The following PEBP4 variants were observed in gnomAD, a reference collection of about 807,000 sequenced individuals.
PEBP4 encodes phosphatidylethanolamine binding protein 4, also known as phosphatidylethanolamine-binding protein 4.
A neutral mutation model predicts 23.9 loss-of-function variants in PEBP4; 22 were observed. The observed-to-expected ratio is 0.92, with a 90% confidence interval of 0.66 to 1.31. PEBP4 has a LOEUF of 1.31. Ranked by LOEUF, PEBP4 falls within the 40% of genes most tolerant of loss-of-function variation. The pLI is 0.00. For missense variants in PEBP4, 324 were observed against 281.7 expected (o/e 1.15, Z -1.07); for synonymous variants, 112 against 99.3 (o/e 1.13, Z -0.76).
chr8:22,809,018 C>T (rs758365400), intron 4 of PEBP4, among the ~76,000 whole-genome samples: 28 of 152,156 alleles, frequency 1.8e-4, no homozygotes, highest in Non-Finnish European at 3.5e-4. Context: ...CCTGGCCAGG[C>T]CCTGCCCTAC....
chr8:22,892,839 A>T (rs1217197238), intron 3 of PEBP4, among the ~76,000 whole-genome samples: 1 of 152,208 alleles, frequency 6.6e-6, no homozygotes, highest in Non-Finnish European at 1.5e-5. Context: ...AAGGTCTTAC[A>T]ATCACCCCAA....
At chr8:22,922,935 G>A (rs1041754977) in intron 2 of PEBP4, among the ~76,000 whole-genome samples, 3 of 152,194 alleles carry the variant, frequency 2.0e-5, no homozygotes, top group Non-Finnish European at 4.4e-5. Context: ...ATGAACTAAT[G>A]CTACATAAGG....
intron 3 of PEBP4, among the ~76,000 whole-genome samples, chr8:22,913,403 C>T (rs139596241): frequency 1.4e-4 from 21 of 152,222 alleles, no homozygotes; most frequent in African/African-American, 2.6e-4. Context: ...CTGCAATGTC[C>T]GTGACATCAT....
At chr8:22,887,919 G>A (rs1253159934) in intron 3 of PEBP4, 2 of 152,162 alleles carry the variant, frequency 1.3e-5, no homozygotes, top group African/African-American at 4.8e-5. Context: ...TGAGTGGGAG[G>A]GAGGTTAGCT....
Position 22,796,431 on chromosome 8 carries a change from G to A in PEBP4, c.357+21206C>T, listed in dbSNP as rs1306405995. ...GGTGTGCTCAGTAAATCATCGTTAA[G>A]TTGAGCGGAATTGTCTCTTACTACT... is the stretch of plus-strand genomic sequence containing the variant. On this transcript the variant is annotated intron_variant, in intron 4 of 6. Coordinates refer to ENST00000256404, the MANE Select transcript of PEBP4 (RefSeq NM_144962.3). Among the ~76,000 whole-genome samples, 3 of 152,194 alleles carry A rather than the reference G, an allele frequency of 2.0e-5. No individual in the cohort carries two copies. The East Asian group carries it at 5.8e-4, about 29-fold the overall frequency.
At chr8:22,731,597 AC>A (rs35473527) in intron 4 of PEBP4, among the ~76,000 whole-genome samples, 22,166 of 151,964 alleles carry the variant, frequency 0.15, 1,957 homozygotes, top group South Asian at 0.22. Context: ...TGGGGGTGGC[AC>A]CCATACGCCC....
chr8:22,716,548 G>A (rs1359017204), intron 6 of PEBP4, among the ~76,000 whole-genome samples: 1 of 152,224 alleles, frequency 6.6e-6, no homozygotes, highest in Non-Finnish European at 1.5e-5. Flanking sequence ...ATGATGGCAG[G>A]AATGTTTGGA....
intron 6 of PEBP4, among the ~76,000 whole-genome samples, chr8:22,721,755 A>G (rs988369538): frequency 3.3e-5 from 5 of 151,874 alleles, no homozygotes; most frequent in African/African-American, 1.2e-4. Flanking sequence ...TCCCCTGGAG[A>G]GAAATCTAGA....
At chr8:22,895,057 C>T (rs998360071) in intron 3 of PEBP4, among the ~76,000 whole-genome samples, 2 of 152,092 alleles carry the variant, frequency 1.3e-5, no homozygotes, top group Non-Finnish European at 2.9e-5. Flanking sequence ...AAAGTAGGTG[C>T]CATTTGTTTT....
intron 3 of PEBP4, among the ~76,000 whole-genome samples, chr8:22,876,535 C>T (rs1039766224): frequency 2.6e-5 from 4 of 152,166 alleles, no homozygotes; most frequent in Non-Finnish European, 2.9e-5. Context: ...AAGCAAGAAA[C>T]TCAGGAGAGA....
At chr8:22,796,574 A>T (rs1172492583) in intron 4 of PEBP4, among the ~76,000 whole-genome samples, 1 of 152,222 alleles carries the variant, frequency 6.6e-6, no homozygotes. Context: ...CTCTGCCTGC[A>T]TGCCGCCTAA....
At chr8:22,714,277 C>T (rs1289693054) in intron 6 of PEBP4, among the ~76,000 whole-genome samples, 2 of 152,160 alleles carry the variant, frequency 1.3e-5, no homozygotes, top group Admixed American at 1.3e-4. Flanking sequence ...AAGAAGGGCA[C>T]AGCCTGGGGC....
intron 3 of PEBP4, among the ~76,000 whole-genome samples, chr8:22,911,016 G>C (rs1196620704): frequency 6.6e-6 from 1 of 152,116 alleles, no homozygotes; most frequent in African/African-American, 2.4e-5. Flanking sequence ...GGGAGCTGAG[G>C]GTAGGGGAGG....
At chr8:22,936,045 C>A (rs1201148001) in intron 1 of PEBP4, among the ~76,000 whole-genome samples, 2 of 149,334 alleles carry the variant, frequency 1.3e-5, no homozygotes, top group Non-Finnish European at 3.0e-5. Flanking sequence ...ACAAGATAAC[C>A]CAAAGCTAGC....
chr8:22,917,134 G>C (rs1809094837), intron 3 of PEBP4, among the ~76,000 whole-genome samples: 1 of 151,674 alleles, frequency 6.6e-6, no homozygotes, highest in Non-Finnish European at 1.5e-5. Flanking sequence ...GGGGAGGGGG[G>C]GGTGTTCCCA....
intron 2 of PEBP4, among the ~76,000 whole-genome samples, chr8:22,926,713 A>C (rs943660661): frequency 1.3e-5 from 2 of 152,248 alleles, no homozygotes; most frequent in African/African-American, 4.8e-5. Flanking sequence ...TATGGTTCTA[A>C]AAGTAATGTT....
chr8:22,937,479 G>T (rs1809555557), intron 1 of PEBP4, among the ~76,000 whole-genome samples: 1 of 152,112 alleles, frequency 6.6e-6, no homozygotes, highest in South Asian at 2.1e-4. Context: ...TGGAGTGGAA[G>T]ACTTAATATT....
intron 3 of PEBP4, among the ~76,000 whole-genome samples, chr8:22,866,369 G>T (rs372466579): frequency 6.6e-6 from 1 of 152,292 alleles, no homozygotes; most frequent in East Asian, 1.9e-4. Context: ...CCAGCAAGAC[G>T]CTGAGGACAG....
intron 3 of PEBP4, among the ~76,000 whole-genome samples, chr8:22,918,362 T>C (rs1809123084): frequency 6.6e-6 from 1 of 152,206 alleles, no homozygotes; most frequent in African/African-American, 2.4e-5. Flanking sequence ...AATCTCTATG[T>C]TCCACATCCG....
Sources: allele counts gnomAD v4.1 joint callset (sites outside exome capture counted in the v4.1 genomes callset), GRCh38; gene constraint gnomAD v4.1.1; transcripts MANE v1.5; gene names NCBI Gene and HGNC (gene_info 2026-07-23, HGNC 2026-07-21).